Variants in PDPK1 observed in about 807,000 individuals in gnomAD.
PDPK1 encodes 3-phosphoinositide dependent protein kinase 1, also known as 3-phosphoinositide-dependent protein kinase 1.
In PDPK1, 7 loss-of-function variants were observed where a neutral mutation model predicts 39.8. The observed-to-expected ratio is 0.18, with a 90% confidence interval of 0.10 to 0.33. PDPK1 has a LOEUF of 0.33. Ranked by LOEUF, PDPK1 falls within the 10% of genes least tolerant of loss-of-function variation. The pLI, the probability that PDPK1 is intolerant of heterozygous loss-of-function variation, is 1.00. For synonymous variants in PDPK1, 118 were observed against 159.1 expected (o/e 0.74, Z 1.95); for missense variants, 182 against 384.7 (o/e 0.47, Z 4.41).
chr16:2,584,663 C>G (rs1469424873), intron 10 of PDPK1, among the ~76,000 whole-genome samples: 3 of 150,990 alleles, frequency 2.0e-5, no homozygotes, highest in African/African-American at 7.3e-5. Context: ...TTACTGCACC[C>G]AGCTGGGAAT....
rs2067209786 is a variant in PDPK1 at position 2,601,269 on chromosome 16, T to G, written c.*3502T>G. ...TCTTACAGATTCTGAACAAATCGGTTTCTGATAAGCCATGTGTTCCAAAGA... is the reference window on the plus strand; with the variant it reads ...TCTTACAGATTCTGAACAAATCGGTGTCTGATAAGCCATGTGTTCCAAAGA... On this transcript the variant is annotated 3_prime_UTR_variant, in exon 14 of 14. Transcript: ENST00000342085. 4.3e-6 allele frequency: 1 copy of G among 234,388 alleles called. No homozygotes were observed. Among genetic ancestry groups the G allele is most frequent in the Non-Finnish European group, 8.5e-6 (1 of 117,896 alleles). 14.5% of individuals were successfully genotyped at this position (234,388 alleles called of 1,614,324 possible).
At chr16:2,551,916 T>G (rs1467307870) in intron 1 of PDPK1, among the ~76,000 whole-genome samples, 1 of 151,382 alleles carries the variant, frequency 6.6e-6, no homozygotes, top group Non-Finnish European at 1.5e-5. Flanking sequence ...TGCGCCTGCC[T>G]CGGCCTCCCA....
rs759166098 is a variant in PDPK1 at position 2,597,834 on chromosome 16, C to T, written c.*67C>T. 42 of 1,064,412 alleles carry T rather than the reference C, an allele frequency of 3.9e-5. No individual in the cohort carries two copies. Among genetic ancestry groups the T allele is most frequent in the African/African-American group, 6.2e-5 (4 of 64,310 alleles). The allele number at this position is 1,064,412 out of a possible 1,614,324, so 65.9% of individuals were successfully genotyped here. A position where few individuals can be genotyped will look rare whatever the true frequency, so the allele number is the denominator to read the frequency against. ...GCCCCAGCGCGGCTTGGCCGCCATC[C>T]GGGACGCTTCCAGACCACCTGCCAG... On this transcript the variant is annotated 3_prime_UTR_variant, in exon 14 of 14. Transcript: ENST00000342085. The surrounding 1 kb of genome is among the most constrained non-coding windows in gnomAD (Gnocchi z 6.3).
intron 12 of PDPK1, among the ~76,000 whole-genome samples, chr16:2,596,461 T>A (rs764390749): frequency 6.6e-6 from 1 of 152,226 alleles, no homozygotes; most frequent in Non-Finnish European, 1.5e-5. Flanking sequence ...TCCAAAGTGC[T>A]GGGATTACAG....
Position 2,591,757 on chromosome 16 carries a change from T to C in PDPK1, c.1344-4036T>C, listed in dbSNP as rs186550551. Among the ~76,000 whole-genome samples, 142 of 152,394 alleles carry C rather than the reference T, an allele frequency of 9.3e-4. 1 individual carries two copies. Among genetic ancestry groups the C allele is most frequent in the Admixed American group, 2.3e-3 (35 of 15,312 alleles). ...GTGCAGCGCACAGAGTGGCACACTC[T>C]CCTCATTCATTATTTTTGTTTTGGA... On this transcript the variant is annotated intron_variant, in intron 11 of 13. Transcript: ENST00000342085.
chr16:2,542,416 C>G (rs2066261444), intron 1 of PDPK1, among the ~76,000 whole-genome samples: 2 of 152,234 alleles, frequency 1.3e-5, no homozygotes, highest in Admixed American at 6.5e-5. Context: ...GCCTCGGCCT[C>G]CCAAAGTGCT....
chr16:2,587,889 G>T (rs534668351), intron 11 of PDPK1, among the ~76,000 whole-genome samples: 89 of 152,298 alleles, frequency 5.8e-4, no homozygotes, highest in African/African-American at 2.1e-3. Context: ...TATATTTTAT[G>T]TTTTCCATTT....
At position 2,598,910 on chromosome 16, in the gene PDPK1, C is replaced by T. The variant is rs956501911; in HGVS notation, c.*1143C>T. ...GCTTCTACATCTGTGCATCAGAAAT[C>T]TCACAGCCTTCTCATGCTGCCGGCT... On this transcript the variant is annotated 3_prime_UTR_variant, in exon 14 of 14. Coordinates refer to ENST00000342085, the MANE Select transcript of PDPK1 (RefSeq NM_002613.5). The T allele has an allele frequency of 2.6e-5, 6 of 233,238 alleles. No individual in the cohort carries two copies. Among genetic ancestry groups the T allele is most frequent in the Non-Finnish European group, 3.4e-5 (4 of 118,092 alleles). The allele number at this position is 233,238 out of a possible 1,614,324, so 14.4% of individuals were successfully genotyped here.
rs756261088 is a variant in PDPK1 at position 2,538,730 on chromosome 16, G to A, written c.24+594G>A. 2.5e-4 allele frequency: 326 copies of A among 1,286,888 alleles called. 2 individuals are homozygous for A. The highest frequency in any genetic ancestry group is 3.0e-4 in the Non-Finnish European group (292 of 987,088). The allele number at this position is 1,286,888 out of a possible 1,614,324, so 79.7% of individuals were successfully genotyped here. ...CAGCGTTGTGGGAAGCCCCTGGGAG[G>A]CCGAATGTGCAGGATCACCGAGGGG... On this transcript the variant is annotated intron_variant, in intron 1 of 13. Coordinates refer to ENST00000342085, the MANE Select transcript of PDPK1 (RefSeq NM_002613.5).
intron 1 of PDPK1, among the ~76,000 whole-genome samples, chr16:2,543,967 T>A (rs1260011558): frequency 6.7e-6 from 1 of 148,798 alleles, no homozygotes; most frequent in Non-Finnish European, 1.5e-5. Flanking sequence ...GCTCCTGACC[T>A]CAGGTGATCC....
At chr16:2,543,925 G>A (rs531207966) in intron 1 of PDPK1, among the ~76,000 whole-genome samples, 19 of 139,882 alleles carry the variant, frequency 1.4e-4, no homozygotes, top group Admixed American at 4.6e-4. Context: ...AGTAGAGACC[G>A]GGTTTTGCCA....
rs1351041556 is a variant in PDPK1, at chr16:2,599,911, G to A, written c.*2144G>A. The stretch of plus-strand genomic sequence containing the variant: ...TGGATAGAACCACCACCTCCTGGGC[G>A]TCACTGACAAGCTCCATCTTAACCT... On this transcript the variant is annotated 3_prime_UTR_variant, in exon 14 of 14. Coordinates refer to ENST00000342085, the MANE Select transcript of PDPK1 (RefSeq NM_002613.5). The A allele has an allele frequency of 5.1e-5, 12 of 233,172 alleles. No homozygotes were observed. The highest frequency in any genetic ancestry group is 3.0e-4 in the East Asian group (5 of 16,578). The allele number at this position is 233,172 out of a possible 1,614,324, so 14.4% of individuals were successfully genotyped here. A position where few individuals can be genotyped will look rare whatever the true frequency, so the allele number is the denominator to read the frequency against.
chr16:2,544,851 T>A (rs2066309903), intron 1 of PDPK1, among the ~76,000 whole-genome samples: 2 of 152,112 alleles, frequency 1.3e-5, no homozygotes, highest in Non-Finnish European at 1.5e-5. Context: ...CCCAAAGTGC[T>A]GGGATTTACA....
rs778508775 is a variant in PDPK1, at chr16:2,597,089, C to T, written c.1402-34C>T. 2.0e-6 allele frequency: 3 copies of T among 1,525,990 alleles called. No homozygotes were observed. Among genetic ancestry groups the T allele is most frequent in the South Asian group, 1.3e-5 (1 of 76,404 alleles). 94.5% of individuals were successfully genotyped at this position (1,525,990 alleles called of 1,614,324 possible). A position where few individuals can be genotyped will look rare whatever the true frequency, so the allele number is the denominator to read the frequency against. ...TCCAGGAGATGCCGTCAGCACTGGC[C>T]TCTGAGGCCTGTTGTTTTGTGTTTT... On this transcript the variant is annotated intron_variant, in intron 12 of 13. Coordinates refer to ENST00000342085, the MANE Select transcript of PDPK1 (RefSeq NM_002613.5). This position sits in a 1 kb window ranked among gnomAD's most constrained non-coding sequence, Gnocchi z 6.3.
intron 1 of PDPK1, among the ~76,000 whole-genome samples, chr16:2,539,742 A>G (rs1392838167): frequency 3.3e-5 from 5 of 152,126 alleles, no homozygotes; most frequent in African/African-American, 9.7e-5. Flanking sequence ...GAAGTTTGTG[A>G]GGTTAACCTG....
chr16:2,585,296 A>G (rs545836927), intron 10 of PDPK1, among the ~76,000 whole-genome samples: 4 of 152,144 alleles, frequency 2.6e-5, no homozygotes, highest in Non-Finnish European at 5.9e-5. Context: ...TTAGCTCTGC[A>G]CAGCTGTGTG....
In PDPK1 at chr16:2,602,875, G is replaced by T. The variant is rs2067246267; in HGVS notation, c.*5108G>T. 1 of 233,004 alleles carries T rather than the reference G, an allele frequency of 4.3e-6. No homozygotes were observed. Among genetic ancestry groups the T allele is most frequent in the Admixed American group, 5.6e-5 (1 of 17,750 alleles). The allele number at this position is 233,004 out of a possible 1,614,324, so 14.4% of individuals were successfully genotyped here. On this transcript the variant is annotated 3_prime_UTR_variant, in exon 14 of 14. Coordinates refer to ENST00000342085, the MANE Select transcript of PDPK1 (RefSeq NM_002613.5). ...TAAGGTTATTTGCTGGCTATTGTTG[G>T]CCTCTAGTTCAGTCTGTGTTATTTA... is the stretch of plus-strand genomic sequence containing the variant.
chr16:2,590,868 G>A (rs1271845604), intron 11 of PDPK1, among the ~76,000 whole-genome samples: 1 of 151,586 alleles, frequency 6.6e-6, no homozygotes, highest in Non-Finnish European at 1.5e-5. Flanking sequence ...GGCTGGTCTC[G>A]AACTGCTGGG....
At chr16:2,580,391 C>G (rs866637212) in intron 7 of PDPK1, among the ~76,000 whole-genome samples, 3 of 146,560 alleles carry the variant, frequency 2.0e-5, no homozygotes, top group African/African-American at 7.9e-5. Context: ...CTCTAGTGGG[C>G]GAGACGGGGT....
Sources: gnomAD v4.1 joint callset for allele counts (sites outside exome capture counted in the v4.1 genomes callset) on GRCh38, gnomAD v4.1.1 for gene constraint, Gnocchi (gnomAD v3.1) non-coding constraint, MANE v1.5 for transcripts, NCBI Gene and HGNC (gene_info 2026-07-23, HGNC 2026-07-21) for gene names.